Variants in PELO observed in about 807,000 individuals in gnomAD.
PELO encodes the protein protein pelota homolog.
PELO carries 19 observed loss-of-function variants against 25.9 expected under a neutral mutation model. The observed-to-expected ratio is 0.73, with a 90% confidence interval of 0.51 to 1.08. The LOEUF (loss-of-function observed/expected upper bound fraction) is 1.08. Ranked by LOEUF, PELO falls within the 50% of genes least tolerant of loss-of-function variation. The pLI is 0.00. For synonymous variants in PELO, 196 were observed against 192.2 expected, an observed-to-expected ratio of 1.02 and a Z score of -0.16; for missense variants, 498 against 491.4, an observed-to-expected ratio of 1.01 and a Z score of -0.13.
Position 52,800,124 on chromosome 5 carries a change from C to T in PELO, c.-271C>T. On this transcript the variant is annotated 5_prime_UTR_variant, in exon 2 of 3. Transcript: ENST00000274311. ...TCGTCAGCCCGCTGTTGCGTGCTGC[C>T]AGCGGGAACTGTGTAGGGGTAGATT... 1 of 419,862 alleles carries T rather than the reference C, an allele frequency of 2.4e-6. No homozygotes were observed. The highest frequency in any genetic ancestry group is 4.3e-6 in the Non-Finnish European group (1 of 231,710). 26.0% of individuals were successfully genotyped at this position (419,862 alleles called of 1,614,324 possible).
intron 1 of PELO, among the ~76,000 whole-genome samples, chr5:52,792,149 C>T (rs764101671): frequency 2.6e-5 from 4 of 152,024 alleles, no homozygotes; most frequent in African/African-American, 4.8e-5. Flanking sequence ...TAGAATTAGC[C>T]CTAATTAAAC....
intron 1 of PELO, among the ~76,000 whole-genome samples, chr5:52,797,233 T>C (rs907914005): frequency 1.3e-5 from 2 of 152,072 alleles, no homozygotes; most frequent in Non-Finnish European, 2.9e-5. Flanking sequence ...ACAGTAATTC[T>C]ATGAAAGATT....
At chr5:52,791,942 A>G (rs542544369) in intron 1 of PELO, among the ~76,000 whole-genome samples, 1 of 152,320 alleles carries the variant, frequency 6.6e-6, no homozygotes, top group South Asian at 2.1e-4. Context: ...AATATGCTAT[A>G]TTGGCTGCCT....
intron 1 of PELO, among the ~76,000 whole-genome samples, chr5:52,799,207 A>G (rs1748404291): frequency 6.6e-6 from 1 of 152,206 alleles, no homozygotes; most frequent in Non-Finnish European, 1.5e-5. Flanking sequence ...TCGGTCTCTT[A>G]AAGAGGCAAT....
At chr5:52,798,556 G>T (rs1445176879) in intron 1 of PELO, among the ~76,000 whole-genome samples, 1 of 152,118 alleles carries the variant, frequency 6.6e-6, no homozygotes. Flanking sequence ...GATTTTGAGG[G>T]CTCCAAATTT....
chr5:52,799,719 C>G (rs1369378281), intron 1 of PELO, among the ~76,000 whole-genome samples, 166 bp from the exon 2 acceptor site: 1 of 152,206 alleles, frequency 6.6e-6, no homozygotes, highest in Non-Finnish European at 1.5e-5. Flanking sequence ...AAGGCAAGAG[C>G]AAAAACGAGC....
intron 1 of PELO, among the ~76,000 whole-genome samples, chr5:52,797,044 G>A (rs1748355864): frequency 6.6e-6 from 1 of 152,058 alleles, no homozygotes; most frequent in Non-Finnish European, 1.5e-5. Context: ...AATTGGGATT[G>A]TAGACGTTAA....
In PELO at chr5:52,801,807, C is replaced by T. The variant is rs764657655; in HGVS notation, c.1125C>T (p.Asp375=). Residue 375 remains aspartate (D), a synonymous_variant, in exon 3 of 3, where the codon GAC becomes GAT. Transcript: ENST00000274311. ...ILRFPVPELS[D]QEGDSSSEED is the part of the protein sequence containing the mutation. ...GCTTCCCTGTTCCCGAACTTTCTGA[C>T]CAAGAGGGTGATTCCAGTTCTGAAG... 3 of 1,611,898 alleles carry T rather than the reference C, an allele frequency of 1.9e-6. No homozygotes were observed. Among genetic ancestry groups the T allele is most frequent in the South Asian group, 2.2e-5 (2 of 90,804 alleles).
rs1329316833 is a variant in PELO, at chr5:52,803,717, A to G, written c.*1877A>G. 1 of 152,186 alleles carries G rather than the reference A, an allele frequency of 6.6e-6. No individual in the cohort carries two copies. Among genetic ancestry groups the G allele is most frequent in the Non-Finnish European group, 1.5e-5 (1 of 68,036 alleles). 9.4% of individuals were successfully genotyped at this position (152,186 alleles called of 1,614,324 possible). ...GATTCAGGCCTTGCTATTCAAAAGT[A>G]TGGTCCGTAAACCAGCAGCATCCCT... On this transcript the variant is annotated 3_prime_UTR_variant, in exon 3 of 3. Coordinates refer to ENST00000274311, the MANE Select transcript of PELO (RefSeq NM_015946.5).
In PELO at chr5:52,800,735, A is replaced by G. The variant is rs1748458075; in HGVS notation, c.341A>G (p.Lys114Arg). The change falls in exon 2 of 3, where the codon AAG becomes AGG. Residue 114 changes from lysine (K) to arginine (R), a missense_variant. Lys to Arg is a conservative substitution (Grantham distance 26). Coordinates refer to ENST00000274311, the MANE Select transcript of PELO (RefSeq NM_015946.5). ...CCCAACCGCCAGTTCACCCTGGCCA[A>G]GAAGCAGTGGGATAGTGTGGTACTG... ...LEPNRQFTLA[K>R]KQWDSVVLER... The G allele has an allele frequency of 1.2e-6, 2 of 1,614,260 alleles. No individual in the cohort carries two copies. Among genetic ancestry groups the G allele is most frequent in the Non-Finnish European group, 1.7e-6 (2 of 1,180,054 alleles).
chr5:52,787,954 A>C lies in PELO; in HGVS notation c.-971A>C, dbSNP rs1304947107. ...CCACCTTAGGGGATTTGGCCCGGAGAACGAGATCACCCTCTCAATGAAAGG... is the reference window on the plus strand; with the variant it reads ...CCACCTTAGGGGATTTGGCCCGGAGCACGAGATCACCCTCTCAATGAAAGG... On this transcript the variant is annotated 5_prime_UTR_variant, in exon 1 of 3. Coordinates refer to ENST00000274311, the MANE Select transcript of PELO (RefSeq NM_015946.5). The C allele has an allele frequency of 5.8e-6, 1 of 172,958 alleles. No individual in the cohort carries two copies. The highest frequency in any genetic ancestry group is 1.9e-4 in the South Asian group (1 of 5,264). 10.7% of individuals were successfully genotyped at this position (172,958 alleles called of 1,614,324 possible). A position where few individuals can be genotyped will look rare whatever the true frequency, so the allele number is the denominator to read the frequency against.
chr5:52,800,701 G>C lies in PELO; in HGVS notation c.307G>C (p.Glu103Gln). Reference protein sequence around the residue: ...YVKMGAYHTIELEPNRQFTLA... With the variant: ...YVKMGAYHTIQLEPNRQFTLA... Reference sequence around the variant, plus strand: ...CAAGATGGGGGCTTACCACACCATCGAGCTGGAGCCCAACCGCCAGTTCAC... The same window carrying C: ...CAAGATGGGGGCTTACCACACCATCCAGCTGGAGCCCAACCGCCAGTTCAC... The change falls in exon 2 of 3, where the codon GAG (glutamate) becomes CAG (glutamine). Residue 103 changes from glutamate (E) to glutamine (Q), a missense_variant. By Grantham distance (29) the Glu-to-Gln change is conservative (BLOSUM62 2). Coordinates refer to ENST00000274311, the MANE Select transcript of PELO (RefSeq NM_015946.5). 6.2e-7 allele frequency: 1 copy of C among 1,614,188 alleles called. No homozygotes were observed. The highest frequency in any genetic ancestry group is 8.5e-7 in the Non-Finnish European group (1 of 1,180,026).
Position 52,802,413 on chromosome 5 carries a change from T to C in PELO, c.*573T>C, listed in dbSNP as rs147586254. The C allele has an allele frequency of 2.8e-4, 43 of 152,352 alleles. No individual in the cohort carries two copies. Among genetic ancestry groups the C allele is most frequent in the African/African-American group, 9.4e-4 (39 of 41,578 alleles). The allele number at this position is 152,352 out of a possible 1,614,324, so 9.4% of individuals were successfully genotyped here. A position where few individuals can be genotyped will look rare whatever the true frequency, so the allele number is the denominator to read the frequency against. On this transcript the variant is annotated 3_prime_UTR_variant, in exon 3 of 3. Coordinates refer to ENST00000274311, the MANE Select transcript of PELO (RefSeq NM_015946.5). Reference sequence around the variant, plus strand: ...TTAAATATTTTTCTTCAAAGGCTTGTTAAACCAATCATGTTAAAAGGAAAT... The same window carrying C: ...TTAAATATTTTTCTTCAAAGGCTTGCTAAACCAATCATGTTAAAAGGAAAT...
Position 52,800,786 on chromosome 5 carries a change from C to G in PELO, c.392C>G (p.Pro131Arg). 1 of 1,613,616 alleles carries G rather than the reference C, an allele frequency of 6.2e-7. No individual in the cohort carries two copies. The highest frequency in any genetic ancestry group is 8.5e-7 in the Non-Finnish European group (1 of 1,179,618). ...VLERIEQACD[P>R]AWSADVAAVV... is the part of the protein sequence containing the mutation. ...GAGCGCATCGAGCAGGCCTGTGACC[C>G]AGCCTGGAGCGCTGATGTGGCGGCT... Residue 131 changes from proline to arginine, a missense_variant, in exon 2 of 3, where the codon CCA becomes CGA. Transcript: ENST00000274311.
chr5:52,788,326 G>A lies in PELO; in HGVS notation c.-599G>A. The A allele has an allele frequency of 2.7e-6, 4 of 1,488,718 alleles. No individual in the cohort carries two copies. Among genetic ancestry groups the A allele is most frequent in the Non-Finnish European group, 3.6e-6 (4 of 1,124,806 alleles). 92.2% of individuals were successfully genotyped at this position (1,488,718 alleles called of 1,614,324 possible). ...CGGTCCTGCCCTGCGAACCAGCGCG[G>A]CCCCCTGGCGCTGAGGCTGCTCCGG... On this transcript the variant is annotated 5_prime_UTR_variant, in exon 1 of 3. Transcript: ENST00000274311.
chr5:52,798,634 C>A (rs1258106443), intron 1 of PELO, among the ~76,000 whole-genome samples: 1 of 152,102 alleles, frequency 6.6e-6, no homozygotes, highest in East Asian at 1.9e-4. Flanking sequence ...GGAAAATAGT[C>A]ATTCATGCCT....
At chr5:52,801,388 C>T (rs1025645893) in intron 2 of PELO, 21 bp from the exon 3 acceptor site, 5 of 1,592,178 alleles carry the variant, frequency 3.1e-6, no homozygotes, top group African/African-American at 2.7e-5. Flanking sequence ...TTTTGCCTAA[C>T]TTTTGTAATT....
chr5:52,794,686 C>T (rs1195637306), intron 1 of PELO, among the ~76,000 whole-genome samples: 1 of 151,354 alleles, frequency 6.6e-6, no homozygotes, highest in Non-Finnish European at 1.5e-5. Flanking sequence ...CAAAAAAAAC[C>T]ACTTTCCCTT....
In PELO at chr5:52,802,851, A is replaced by G. The variant is rs775491744; in HGVS notation, c.*1011A>G. 8.5e-5 allele frequency: 13 copies of G among 152,190 alleles called. No individual in the cohort carries two copies. The highest frequency in any genetic ancestry group is 1.8e-4 in the Non-Finnish European group (12 of 68,026). 9.4% of individuals were successfully genotyped at this position (152,190 alleles called of 1,614,324 possible). A position where few individuals can be genotyped will look rare whatever the true frequency, so the allele number is the denominator to read the frequency against. On this transcript the variant is annotated 3_prime_UTR_variant, in exon 3 of 3. Transcript: ENST00000274311. ...TATGTGGCAGTTGACTTAAACTCCA[A>G]TACTCTTTACTATCATTGACTTAAA...
Sources: allele counts gnomAD v4.1 joint callset (sites outside exome capture counted in the v4.1 genomes callset), GRCh38; gene constraint gnomAD v4.1.1; transcripts MANE v1.5; gene names NCBI Gene and HGNC (gene_info 2026-07-23, HGNC 2026-07-21).